The following EYS variants were observed in gnomAD, a reference collection of about 807,000 sequenced individuals.
EYS encodes the protein protein eyes shut homolog.
A neutral mutation model predicts 282.1 loss-of-function variants in EYS; 250 were observed. The observed-to-expected ratio is 0.89, with a 90% CI of 0.80 to 0.98. The LOEUF is 0.98. Ranked by LOEUF, EYS falls within the 50% of genes least tolerant of loss-of-function variation. EYS has a pLI of 0.00. For missense variants in EYS, 4,016 were observed against 3,709.0 expected (o/e 1.08, Z -2.15); for synonymous variants, 1,355 against 1,282.9 (o/e 1.06, Z -1.20).
chr6:65,089,980 A>AACACAC (rs1230252502), intron 12 of EYS, among the ~76,000 whole-genome samples: 2 of 48,862 alleles, frequency 4.1e-5, no homozygotes, highest in Non-Finnish European at 8.1e-5. Context: ...TATATAAATA[A>AACACAC]ATACACACAC....
chr6:65,187,426 G>T (rs1765540611), intron 12 of EYS, among the ~76,000 whole-genome samples: 1 of 151,628 alleles, frequency 6.6e-6, no homozygotes, highest in Non-Finnish European at 1.5e-5. Flanking sequence ...ATTTTAGAAA[G>T]TCAAACTCAT....
At chr6:64,555,982 C>CAAA (rs1765221544) in intron 26 of EYS, among the ~76,000 whole-genome samples, 1 of 151,800 alleles carries the variant, frequency 6.6e-6, no homozygotes, top group Non-Finnish European at 1.5e-5. Context: ...CAAAAACAGA[C>CAAA]AATAAAAAGT....
intron 12 of EYS, among the ~76,000 whole-genome samples, chr6:65,268,389 A>G (rs1767812937): frequency 6.6e-6 from 1 of 152,096 alleles, no homozygotes; most frequent in Non-Finnish European, 1.5e-5. Context: ...TTTCAATATC[A>G]TACTTAGTTT....
At chr6:64,877,755 C>T (rs1479244318) in intron 19 of EYS, among the ~76,000 whole-genome samples, 1 of 152,044 alleles carries the variant, frequency 6.6e-6, no homozygotes, top group Non-Finnish European at 1.5e-5. Flanking sequence ...CAATAGACAG[C>T]AGGTTTCAAA....
At chr6:65,449,744 G>A (rs460628) in intron 5 of EYS, among the ~76,000 whole-genome samples, 1 of 151,950 alleles carries the variant, frequency 6.6e-6, no homozygotes, top group Non-Finnish European at 1.5e-5. Flanking sequence ...ACTTTCCTCA[G>A]AATATTTTGT....
chr6:65,289,836 T>C (rs544457016), intron 12 of EYS, among the ~76,000 whole-genome samples: 1 of 151,284 alleles, frequency 6.6e-6, no homozygotes, highest in East Asian at 1.9e-4. Context: ...TAATTTTACA[T>C]TTCTGTATTT....
chr6:65,542,686 A>C (rs1768212903), intron 2 of EYS, among the ~76,000 whole-genome samples: 1 of 152,186 alleles, frequency 6.6e-6, no homozygotes, highest in African/African-American at 2.4e-5. Flanking sequence ...GGATGGCTCA[A>C]AGATGATTTA....
intron 2 of EYS, among the ~76,000 whole-genome samples, chr6:65,577,713 T>G (rs1283722531): frequency 6.7e-6 from 1 of 148,792 alleles, no homozygotes; most frequent in African/African-American, 2.5e-5. Context: ...TATAAAGAAC[T>G]TAACTCAATA....
At chr6:65,477,506 A>C (rs1355691786) in intron 5 of EYS, among the ~76,000 whole-genome samples, 1 of 152,198 alleles carries the variant, frequency 6.6e-6, no homozygotes, top group Non-Finnish European at 1.5e-5. Flanking sequence ...ACAAATTAGA[A>C]GTGGAAAATT....
At chr6:64,926,249 A>G (rs1193131077) in intron 15 of EYS, among the ~76,000 whole-genome samples, 1 of 152,254 alleles carries the variant, frequency 6.6e-6, no homozygotes, top group East Asian at 1.9e-4. Context: ...TTGCCTCTCA[A>G]TTCTAGCCCC....
intron 22 of EYS, among the ~76,000 whole-genome samples, chr6:64,801,628 T>A (rs928872814): frequency 6.6e-6 from 1 of 152,172 alleles, no homozygotes; most frequent in African/African-American, 2.4e-5. Context: ...TGTTTTTGAA[T>A]CCTTTTTAAT....
At chr6:64,192,030 G>A (rs974559679) in intron 31 of EYS, among the ~76,000 whole-genome samples, 4 of 144,272 alleles carry the variant, frequency 2.8e-5, no homozygotes, top group African/African-American at 1.0e-4. Flanking sequence ...TCTAACTGGT[G>A]TGAGATGTTA....
chr6:64,154,090 G>C (rs1774833650), intron 31 of EYS, among the ~76,000 whole-genome samples: 1 of 152,068 alleles, frequency 6.6e-6, no homozygotes, highest in Non-Finnish European at 1.5e-5. Flanking sequence ...AACTTATAAA[G>C]TAATAATAAA....
chr6:64,133,053 A>G (rs546955270), intron 31 of EYS, among the ~76,000 whole-genome samples: 1 of 152,154 alleles, frequency 6.6e-6, no homozygotes, highest in East Asian at 1.9e-4. Context: ...ATCATTCTAA[A>G]TCCTATAAAT....
chr6:64,819,193 G>A (rs944247152), intron 21 of EYS, among the ~76,000 whole-genome samples: 5 of 152,110 alleles, frequency 3.3e-5, no homozygotes, highest in Non-Finnish European at 5.9e-5. Context: ...GATAGAGAGA[G>A]ATGTAGATCA....
intron 22 of EYS, among the ~76,000 whole-genome samples, chr6:64,647,377 T>C (rs1582993545): frequency 1.3e-5 from 2 of 152,194 alleles, no homozygotes; most frequent in Non-Finnish European, 2.9e-5. Flanking sequence ...GAGCTAGCTA[T>C]ACTGAATTTC....
intron 36 of EYS, among the ~76,000 whole-genome samples, chr6:63,837,238 G>C (rs1235810693): frequency 6.6e-6 from 1 of 152,048 alleles, no homozygotes; most frequent in Non-Finnish European, 1.5e-5. Flanking sequence ...GCTACTCATA[G>C]GCTATCCTTC....
intron 35 of EYS, among the ~76,000 whole-genome samples, chr6:63,910,630 T>C (rs1773889722): frequency 6.6e-6 from 1 of 152,212 alleles, no homozygotes; most frequent in African/African-American, 2.4e-5. Flanking sequence ...GTACTTACCA[T>C]ACAGAAGAAA....
chr6:65,152,322 A>G (rs1349724244), intron 12 of EYS, among the ~76,000 whole-genome samples: 2 of 151,944 alleles, frequency 1.3e-5, no homozygotes, highest in Middle Eastern at 3.2e-3. Flanking sequence ...CCACCACCCT[A>G]AAGATCCCAG....
Sources: gnomAD v4.1 joint callset for allele counts (sites outside exome capture counted in the v4.1 genomes callset) on GRCh38, gnomAD v4.1.1 for gene constraint, MANE v1.5 for transcripts, NCBI Gene and HGNC (gene_info 2026-07-23, HGNC 2026-07-21) for gene names.